The following SHANK2 variants were observed in gnomAD, a reference collection of about 807,000 sequenced individuals.
The protein encoded by SHANK2 is SH3 and multiple ankyrin repeat domains protein 2.
In SHANK2, 43 loss-of-function variants were observed where a neutral mutation model predicts 133.7. That is an observed-to-expected ratio of 0.32 (90% CI 0.25 to 0.41). SHANK2 has a LOEUF of 0.41. SHANK2 is among the 10% of genes least tolerant of loss of function. SHANK2 has a pLI of 1.00. For synonymous variants in SHANK2, 1,017 were observed against 952.8 expected (o/e 1.07, Z -1.24); for missense variants, 1,994 against 2,235.8 (o/e 0.89, Z 2.18).
chr11:70,655,707 T>C (rs1215758091), intron 17 of SHANK2, among the ~76,000 whole-genome samples: 1 of 152,220 alleles, frequency 6.6e-6, no homozygotes, highest in Admixed American at 6.5e-5. Context: ...AAGGGGTTTG[T>C]GGAAGACAGT....
chr11:70,782,203 T>C (rs1272902664), intron 14 of SHANK2, among the ~76,000 whole-genome samples: 1 of 152,318 alleles, frequency 6.6e-6, no homozygotes, highest in East Asian at 1.9e-4. Context: ...TAGCTGGGAT[T>C]ACAGGTGCCC....
intron 3 of SHANK2, among the ~76,000 whole-genome samples, chr11:71,134,233 A>G (rs2135347876): frequency 6.7e-6 from 1 of 150,342 alleles, no homozygotes; most frequent in African/African-American, 2.4e-5. Context: ...CCACCCCATC[A>G]CTGACGATGG....
Position 71,147,162 on chromosome 11 carries a change from G to A in SHANK2, c.165C>T (p.Asn55=). Residue 55 remains asparagine (N), a synonymous_variant, in exon 3 of 26, where the codon AAC becomes AAT. Transcript: ENST00000601538. The stretch of plus-strand genomic sequence containing the variant: ...GGATGACCACGCGGATCACCAGCGT[G>A]TTGCCCTGGCTCTCCTCCGTCCTGG... ...GGARTEESQG[N]TLVIRVVIHD... is the part of the protein sequence containing the mutation. The A allele has an allele frequency of 6.5e-7, 1 of 1,550,358 alleles. No individual in the cohort carries two copies. Among genetic ancestry groups the A allele is most frequent in the Non-Finnish European group, 8.7e-7 (1 of 1,146,946 alleles).
intron 3 of SHANK2, among the ~76,000 whole-genome samples, chr11:71,123,185 C>T (rs1952111537): frequency 6.6e-6 from 1 of 152,146 alleles, no homozygotes; most frequent in African/African-American, 2.4e-5. Flanking sequence ...ACTCACTGTC[C>T]AATCAGGCAA....
At chr11:71,105,588 T>A (rs1951789278) in intron 6 of SHANK2, among the ~76,000 whole-genome samples, 1 of 82,738 alleles carries the variant, frequency 1.2e-5, no homozygotes, top group African/African-American at 5.3e-5. Context: ...AGAGACTCAG[T>A]CTAAAAAAAA....
intron 14 of SHANK2, among the ~76,000 whole-genome samples, chr11:70,728,117 C>T (rs1946211835): frequency 6.6e-6 from 1 of 152,214 alleles, no homozygotes; most frequent in South Asian, 2.1e-4. Context: ...TACAGCTTCC[C>T]TGGCGGCTCC....
intron 14 of SHANK2, among the ~76,000 whole-genome samples, chr11:70,792,642 G>A (rs1947820158): frequency 6.6e-6 from 1 of 152,226 alleles, no homozygotes; most frequent in Non-Finnish European, 1.5e-5. Context: ...TAAAGCAATG[G>A]TGCTCCATAA....
chr11:71,171,957 G>A lies in SHANK2; in HGVS notation c.-12-24619C>T, dbSNP rs1407007720. On this transcript the variant is annotated intron_variant, in intron 2 of 25. Transcript: ENST00000601538. ...TAGTCCACACGCCTGGGAAGGCCCA[G>A]CTCTGGTCCTGAGACCCTGGGCCTG... 4.6e-5 allele frequency among the ~76,000 whole-genome samples: 7 copies of A among 152,082 alleles called. No individual in the cohort carries two copies. The East Asian group carries it at 1.4e-3, about 29-fold the overall frequency.
intron 2 of SHANK2, among the ~76,000 whole-genome samples, chr11:71,207,776 G>C (rs1954157776): frequency 6.6e-6 from 1 of 152,054 alleles, no homozygotes; most frequent in East Asian, 1.9e-4. Flanking sequence ...AATCCAAACA[G>C]CTCTAACTAG....
intron 10 of SHANK2, among the ~76,000 whole-genome samples, chr11:70,898,584 T>C (rs1226099127): frequency 6.6e-6 from 1 of 152,142 alleles, no homozygotes; most frequent in Non-Finnish European, 1.5e-5. Flanking sequence ...TTCTAGTATT[T>C]TTGTGGAAGG....
chr11:70,582,219 C>T (rs986305543), intron 17 of SHANK2, among the ~76,000 whole-genome samples: 3 of 152,356 alleles, frequency 2.0e-5, no homozygotes, highest in East Asian at 1.9e-4. Flanking sequence ...CCGCCATCCT[C>T]ATGATGAGAA....
chr11:70,663,337 G>C (rs1450689954), intron 15 of SHANK2, among the ~76,000 whole-genome samples: 1 of 152,178 alleles, frequency 6.6e-6, no homozygotes, highest in Non-Finnish European at 1.5e-5. Context: ...GGGCCCTGGG[G>C]AGGAGGAGGG....
intron 17 of SHANK2, among the ~76,000 whole-genome samples, chr11:70,606,213 C>A (rs1479110257): frequency 6.6e-6 from 1 of 152,130 alleles, no homozygotes; most frequent in Non-Finnish European, 1.5e-5. Context: ...ATTGCCCATC[C>A]TTCCCCCACC....
intron 15 of SHANK2, among the ~76,000 whole-genome samples, chr11:70,679,848 C>T (rs536078323): frequency 1.7e-4 from 26 of 152,340 alleles, no homozygotes; most frequent in African/African-American, 5.8e-4. Context: ...GGACCCTGGA[C>T]GTCCACCTGC....
intron 17 of SHANK2, among the ~76,000 whole-genome samples, chr11:70,586,416 C>T (rs749241230): frequency 5.9e-5 from 9 of 152,062 alleles, no homozygotes; most frequent in Non-Finnish European, 7.4e-5. Flanking sequence ...GTTCTGGGGC[C>T]GGGGTCACCT....
chr11:70,891,790 C>A (rs1480734887), intron 11 of SHANK2, among the ~76,000 whole-genome samples: 5 of 152,142 alleles, frequency 3.3e-5, no homozygotes, highest in African/African-American at 1.2e-4. Context: ...CCATGATGGA[C>A]CCTCACCCTG....
At chr11:70,832,116 G>C (rs1555058699) in intron 11 of SHANK2, among the ~76,000 whole-genome samples, 1 of 152,212 alleles carries the variant, frequency 6.6e-6, no homozygotes, top group Non-Finnish European at 1.5e-5. Context: ...AGCTCTCTGT[G>C]CCTCTGTTTC....
intron 11 of SHANK2, among the ~76,000 whole-genome samples, chr11:70,857,842 A>G (rs1324014701): frequency 2.0e-5 from 3 of 152,212 alleles, no homozygotes; most frequent in Non-Finnish European, 4.4e-5. Flanking sequence ...GGGCACTTCC[A>G]TGAGTCACAC....
At chr11:70,496,613 GT>G (rs2058974726) in intron 21 of SHANK2, among the ~76,000 whole-genome samples, 3 of 152,228 alleles carry the variant, frequency 2.0e-5, no homozygotes, top group Admixed American at 2.0e-4. Flanking sequence ...GAAGCTGGCT[GT>G]AGTAAAGGGA....
Sources: allele counts gnomAD v4.1 joint callset (sites outside exome capture counted in the v4.1 genomes callset), GRCh38; gene constraint gnomAD v4.1.1; transcripts MANE v1.5; gene names NCBI Gene and HGNC (gene_info 2026-07-23, HGNC 2026-07-21).